The following TLR6 variants were observed in gnomAD, a reference collection of about 807,000 sequenced individuals.
TLR6 encodes toll like receptor 6, also known as toll-like receptor 6.
A neutral mutation model predicts 16.1 loss-of-function variants in TLR6; 9 were observed. The observed-to-expected ratio is 0.56, with a 90% CI of 0.34 to 0.98. The LOEUF (loss-of-function observed/expected upper bound fraction) is 0.98, where lower values mean the gene tolerates loss of function less well. Ranked by LOEUF, TLR6 falls within the 50% of genes least tolerant of loss-of-function variation. The pLI is 0.02. For synonymous variants in TLR6, 340 were observed against 338.6 expected, an observed-to-expected ratio of 1.00 and a Z score of -0.04; for missense variants, 786 against 921.0, an observed-to-expected ratio of 0.85 and a Z score of 1.90.
intron 1 of TLR6, 136 bp from the exon 2 acceptor site, chr4:38,829,673 CT>C: frequency 1.9e-6 from 1 of 519,260 alleles, no homozygotes; most frequent in East Asian, 3.2e-5. Flanking sequence ...TAATGTAATA[CT>C]TTTTATAACC....
At chr4:38,842,164 G>A (rs1032078041) in intron 1 of TLR6, among the ~76,000 whole-genome samples, 19 of 152,302 alleles carry the variant, frequency 1.2e-4, no homozygotes, top group African/African-American at 4.3e-4. Flanking sequence ...GGGGAGGAAG[G>A]TGGTTGGCAG....
chr4:38,826,948 G>A (rs1727568303), exon 2 of TLR6: 1 of 753,558 alleles, frequency 1.3e-6, no homozygotes, highest in South Asian at 2.1e-5. Flanking sequence ...TTCCCCAGAT[G>A]AAACATTGTT....
chr4:38,839,721 C>A (rs1404552941), intron 1 of TLR6, among the ~76,000 whole-genome samples: 1 of 152,174 alleles, frequency 6.6e-6, no homozygotes, highest in African/African-American at 2.4e-5. Context: ...GTGTACCAGC[C>A]AACATTACTT....
chr4:38,856,916 G>A (rs1366092013), upstream of TLR6: 1 of 152,170 alleles, frequency 6.6e-6, no homozygotes, highest in Non-Finnish European at 1.5e-5. Flanking sequence ...TTACTCCTAC[G>A]TATATTTTTA....
exon 2 of TLR6, chr4:38,828,906 T>C (rs2109411578): frequency 6.2e-7 from 1 of 1,610,500 alleles, no homozygotes. Context: ...ATTTGTAGAC[T>C]TTCTGTCTCA....
intron 1 of TLR6, among the ~76,000 whole-genome samples, chr4:38,837,623 A>G (rs1269773015): frequency 1.3e-5 from 2 of 152,362 alleles, no homozygotes; most frequent in Admixed American, 1.3e-4. Context: ...ACTTAAATGT[A>G]AGACTTGAAA....
exon 2 of TLR6, chr4:38,827,381 G>T (rs1229766156): frequency 1.2e-6 from 2 of 1,614,152 alleles, no homozygotes; most frequent in Non-Finnish European, 1.7e-6. Flanking sequence ...AACAAAGATG[G>T]ACTTGTAACT....
intron 1 of TLR6, among the ~76,000 whole-genome samples, chr4:38,850,003 A>T (rs905375666): frequency 6.6e-6 from 1 of 152,226 alleles, no homozygotes; most frequent in African/African-American, 2.4e-5. Context: ...AGCAAATGTA[A>T]AAGAACAGAA....
chr4:38,832,129 A>C (rs1408450216), intron 1 of TLR6, among the ~76,000 whole-genome samples: 2 of 152,234 alleles, frequency 1.3e-5, no homozygotes, highest in Non-Finnish European at 2.9e-5. Context: ...ATATTAACAA[A>C]CTGGTACATT....
At chr4:38,848,844 G>A (rs1185107236) in intron 1 of TLR6, among the ~76,000 whole-genome samples, 4 of 152,188 alleles carry the variant, frequency 2.6e-5, no homozygotes, top group African/African-American at 9.7e-5. Context: ...AACCATGTTG[G>A]AAAACATTCT....
At chr4:38,861,962 A>G in the TLR6 span, among the ~76,000 whole-genome samples, 1 of 152,158 alleles carries the variant, frequency 6.6e-6, no homozygotes, top group Non-Finnish European at 1.5e-5. Flanking sequence ...TCTCACATTC[A>G]ACAGCCTACT....
chr4:38,857,082 A>C (rs541837635), upstream of TLR6, among the ~76,000 whole-genome samples: 5 of 152,350 alleles, frequency 3.3e-5, no homozygotes, highest in Non-Finnish European at 7.3e-5. Flanking sequence ...AAGAGTTTGC[A>C]GCCTGGTTAT....
chr4:38,851,868 G>A (rs572353709), intron 1 of TLR6, among the ~76,000 whole-genome samples: 23 of 152,120 alleles, frequency 1.5e-4, no homozygotes, highest in Non-Finnish European at 2.8e-4. Flanking sequence ...TCACAGAACT[G>A]GAAAAAACTA....
At chr4:38,846,457 T>C (rs1221170245) in intron 1 of TLR6, among the ~76,000 whole-genome samples, 1 of 152,132 alleles carries the variant, frequency 6.6e-6, no homozygotes, top group East Asian at 1.9e-4. Context: ...GCACCACTAA[T>C]GAGAAAATTA....
chr4:38,838,255 A>G (rs573882311), intron 1 of TLR6, among the ~76,000 whole-genome samples: 1 of 152,342 alleles, frequency 6.6e-6, no homozygotes, highest in South Asian at 2.1e-4. Flanking sequence ...TGTTTATCTA[A>G]AAGAACAGAA....
chr4:38,867,455 A>T, the TLR6 span, among the ~76,000 whole-genome samples: 1 of 152,052 alleles, frequency 6.6e-6, no homozygotes, highest in Non-Finnish European at 1.5e-5. Context: ...GAATCAGGAG[A>T]TCAAACTTTA....
chr4:38,827,189 T>A, exon 2 of TLR6: 1 of 1,614,248 alleles, frequency 6.2e-7, no homozygotes, highest in African/African-American at 1.3e-5. Context: ...CTTGGGCCAC[T>A]GCAAATAAGT....
intron 1 of TLR6, among the ~76,000 whole-genome samples, chr4:38,839,313 A>T (rs560667149): frequency 0.017 from 2,657 of 151,988 alleles, 92 homozygotes; most frequent in African/African-American, 0.057. Flanking sequence ...TTTTTTTTAA[A>T]AAAAATTAAT....
In TLR6 at chr4:38,828,441, G is replaced by A. The variant is rs5743813; in HGVS notation, c.1033C>T (p.His345Tyr). Residue 345 changes from histidine to tyrosine, a missense_variant, in exon 2 of 2, where the codon CAC becomes TAC. Physicochemically the swap from His to Tyr is moderately conservative, Grantham distance 83. Coordinates refer to ENST00000436693, the Ensembl canonical transcript of TLR6. ...CTTGGTGCATGAGGACACAGCATGT[G>A]TATAAAAGGTGTATCTGAAATGGTT... 7.0e-5 allele frequency: 113 copies of A among 1,614,144 alleles called. 2 individuals are homozygous for A. The Middle Eastern group carries it at 1.7e-3, about 24-fold the overall frequency.
Sources: allele counts gnomAD v4.1 joint callset (sites outside exome capture counted in the v4.1 genomes callset), GRCh38; gene constraint gnomAD v4.1.1; transcripts MANE v1.5; gene names NCBI Gene and HGNC (gene_info 2026-07-23, HGNC 2026-07-21).